ASIC1: variants seen among roughly 807,000 people sequenced by gnomAD.
The protein encoded by ASIC1 is acid-sensing ion channel 1.
A neutral mutation model predicts 63.4 loss-of-function variants in ASIC1; 21 were observed. The ratio of observed to expected loss-of-function variants is 0.33; its 90% CI spans 0.23 to 0.48. The LOEUF is 0.48. Ranked by LOEUF, ASIC1 falls within the 20% of genes least tolerant of loss-of-function variation. The probability of loss-of-function intolerance (pLI) is 0.99; values close to 1 mark genes in which losing one functional copy is unlikely to be tolerated. For synonymous variants in ASIC1, 258 were observed against 278.2 expected, an observed-to-expected ratio of 0.93 and a Z score of 0.72; for missense variants, 478 against 695.5, an observed-to-expected ratio of 0.69 and a Z score of 3.52.
At chr12:50,062,684 A>G (rs572485167) in intron 3 of ASIC1, among the ~76,000 whole-genome samples, 1 of 152,282 alleles carries the variant, frequency 6.6e-6, no homozygotes, top group African/African-American at 2.4e-5. Flanking sequence ...AACAATAAGA[A>G]CCCTGTTTCT....
intron 4 of ASIC1, 85 bp downstream of exon 4, chr12:50,077,448 T>C (rs547731019): frequency 1.9e-6 from 3 of 1,563,692 alleles, no homozygotes; most frequent in African/African-American, 2.7e-5. Context: ...CTGTGAGACC[T>C]GGGCAGGGCC....
chr12:50,064,956 G>A (rs1259145702), intron 3 of ASIC1, among the ~76,000 whole-genome samples: 1 of 152,094 alleles, frequency 6.6e-6, no homozygotes, highest in East Asian at 1.9e-4. Flanking sequence ...CCATGGGGGT[G>A]GTACTAAAGG....
chr12:50,076,656 A>T (rs1249429687), intron 3 of ASIC1: 1 of 215,244 alleles, frequency 4.6e-6, no homozygotes, highest in Non-Finnish European at 9.5e-6. Context: ...CAGGAAAAAG[A>T]CAGCTACTTG....
In ASIC1 at chr12:50,080,480, C is replaced by A. The variant is rs760116617; in HGVS notation, c.1206-18C>A. On this transcript the variant is annotated intron_variant, in intron 8 of 11. Coordinates refer to ENST00000447966, the MANE Select transcript of ASIC1 (RefSeq NM_001095.4). ...GATATGACTTGAACCTAGGTCTCCT[C>A]CCCCAATCCCTGTGCAGGGAGAACA... The A allele has an allele frequency of 9.3e-6, 15 of 1,612,062 alleles. No individual in the cohort carries two copies. The South Asian group carries it at 1.4e-4, about 15-fold the overall frequency.
chr12:50,081,760 ATCTT>A lies in ASIC1; in HGVS notation c.*114_*117del. 1.1e-6 allele frequency: 1 copy of A among 922,924 alleles called. No individual in the cohort carries two copies. Among genetic ancestry groups the A allele is most frequent in the Non-Finnish European group, 1.7e-6 (1 of 603,906 alleles). 57.2% of individuals were successfully genotyped at this position (922,924 alleles called of 1,614,324 possible). A position where few individuals can be genotyped will look rare whatever the true frequency, so the allele number is the denominator to read the frequency against. ...GGGGACTCCCCACACTCCGGGGCAG[ATCTT>A]TCCTCTTGTCTGTGGTAAGGAAGGA... On this transcript the variant is annotated 3_prime_UTR_variant, in exon 12 of 12. Coordinates refer to ENST00000447966, the MANE Select transcript of ASIC1 (RefSeq NM_001095.4).
rs1037617136 is a variant in ASIC1, at chr12:50,059,438, A to G, written c.362+310A>G. 2.0e-5 allele frequency among the ~76,000 whole-genome samples: 3 copies of G among 152,136 alleles called. No homozygotes were observed. The highest frequency in any genetic ancestry group is 4.4e-5 in the Non-Finnish European group (3 of 68,018). On this transcript the variant is annotated intron_variant, in intron 2 of 11. Coordinates refer to ENST00000447966, the MANE Select transcript of ASIC1 (RefSeq NM_001095.4). The surrounding 1 kb of genome is among the most constrained non-coding windows in gnomAD (Gnocchi z 4.6). ...GCCACTCTGTCTTGACCTTCTCGTC[A>G]GTTGGGGGATGGGGACAGAACATCT...
intron 3 of ASIC1, among the ~76,000 whole-genome samples, chr12:50,066,123 T>C (rs1213577840): frequency 1.3e-5 from 2 of 152,220 alleles, no homozygotes; most frequent in Non-Finnish European, 2.9e-5. Context: ...GCAGAGCACA[T>C]ACTAGCAAAA....
rs1235844340 is a variant in ASIC1, at chr12:50,080,361, G to A, written c.1206-137G>A. On this transcript the variant is annotated intron_variant, in intron 8 of 11. Coordinates refer to ENST00000447966, the MANE Select transcript of ASIC1 (RefSeq NM_001095.4). The stretch of plus-strand genomic sequence containing the variant: ...ATGCCATCTCATTTAATCCTAAAAG[G>A]CAGGTATCTCCATCAGCATCTCATT... 3.4e-6 allele frequency: 3 copies of A among 878,924 alleles called. No homozygotes were observed. The East Asian group carries it at 7.9e-5, about 23-fold the overall frequency. The allele number at this position is 878,924 out of a possible 1,614,324, so 54.4% of individuals were successfully genotyped here. A position where few individuals can be genotyped will look rare whatever the true frequency, so the allele number is the denominator to read the frequency against.
chr12:50,062,706 G>A (rs541134710), intron 3 of ASIC1, among the ~76,000 whole-genome samples: 1 of 152,326 alleles, frequency 6.6e-6, no homozygotes, highest in South Asian at 2.1e-4. Context: ...AAGGCTGGTT[G>A]GGGGAGGCAT....
In ASIC1 at chr12:50,058,798, G is replaced by A. The variant is rs1450857095; in HGVS notation, c.32G>A (p.Gly11Asp). The change falls in exon 2 of 12, where the codon GGT (glycine) becomes GAT (aspartate). Residue 11 changes from glycine (G) to aspartate (D), a missense_variant. Coordinates refer to ENST00000447966, the MANE Select transcript of ASIC1 (RefSeq NM_001095.4). The stretch of plus-strand genomic sequence containing the variant: ...CTGAAGGCCGAGGAGGAGGAGGTGG[G>A]TGGCGTCCAGCCGGTGAGCATCCAG... MELKAEEEEV[G>D]GVQPVSIQAF... 1 of 1,595,756 alleles carries A rather than the reference G, an allele frequency of 6.3e-7. No homozygotes were observed. Among genetic ancestry groups the A allele is most frequent in the East Asian group, 2.2e-5 (1 of 44,576 alleles).
In ASIC1 at chr12:50,078,405, C is replaced by G; in HGVS notation, c.838-16C>G. 1.9e-6 allele frequency: 3 copies of G among 1,613,614 alleles called. No homozygotes were observed. The highest frequency in any genetic ancestry group is 1.1e-5 in the South Asian group (1 of 91,038). On this transcript the variant is annotated splice_polypyrimidine_tract_variant and intron_variant, in intron 5 of 11. Transcript: ENST00000447966. The surrounding 1 kb of genome is among the most constrained non-coding windows in gnomAD (Gnocchi z 6.0). ...GAAGTCCCCGCACTCCCCCAGCTCCCCGGCTCTCCCAGCAGCTCATCTACC... is the reference window on the plus strand; with the variant it reads ...GAAGTCCCCGCACTCCCCCAGCTCCGCGGCTCTCCCAGCAGCTCATCTACC...
intron 3 of ASIC1, among the ~76,000 whole-genome samples, chr12:50,069,052 C>G (rs1240834898): frequency 6.6e-6 from 1 of 152,110 alleles, no homozygotes; most frequent in African/African-American, 2.4e-5. Context: ...CCTGAGTGAC[C>G]TGGGTCCTCC....
At chr12:50,067,699 G>A (rs779260328) in intron 3 of ASIC1, among the ~76,000 whole-genome samples, 15 of 152,154 alleles carry the variant, frequency 9.9e-5, no homozygotes, top group Non-Finnish European at 1.6e-4. Context: ...GATTACAGGC[G>A]TGAGCCACTG....
chr12:50,083,476 C>T lies in ASIC1; in HGVS notation c.*1827C>T, dbSNP rs548425631. 4 of 152,784 alleles carry T rather than the reference C, an allele frequency of 2.6e-5. No individual in the cohort carries two copies. Among genetic ancestry groups the T allele is most frequent in the African/African-American group, 9.6e-5 (4 of 41,570 alleles). 9.5% of individuals were successfully genotyped at this position (152,784 alleles called of 1,614,324 possible). A position where few individuals can be genotyped will look rare whatever the true frequency, so the allele number is the denominator to read the frequency against. On this transcript the variant is annotated 3_prime_UTR_variant, in exon 12 of 12. Coordinates refer to ENST00000447966, the MANE Select transcript of ASIC1 (RefSeq NM_001095.4). ...TAGGATCTTTGGAATCTCTTGGTTC[C>T]TAAGAGTTTCCTCAGAGATCATACC...
intron 3 of ASIC1, among the ~76,000 whole-genome samples, chr12:50,069,407 C>T (rs1020751278): frequency 6.6e-6 from 1 of 152,088 alleles, no homozygotes; most frequent in Admixed American, 6.5e-5. Context: ...AAGTCTCATG[C>T]CTCAGCCTCC....
At position 50,080,636 on chromosome 12, in the gene ASIC1, C is replaced by T. The variant is rs368828331; in HGVS notation, c.1297+47C>T. ...TCCCCTTCTCATGCCATGGGCATGG[C>T]GTGGCTCCCTATCATCCAAAAGCAG... is the stretch of plus-strand genomic sequence containing the variant. On this transcript the variant is annotated intron_variant, in intron 9 of 11. Coordinates refer to ENST00000447966, the MANE Select transcript of ASIC1 (RefSeq NM_001095.4). The T allele has an allele frequency of 3.2e-5, 51 of 1,614,178 alleles. No individual in the cohort carries two copies. The African/African-American group carries it at 3.2e-4, about 10-fold the overall frequency.
rs762136063 is a variant in ASIC1 at position 50,058,921 on chromosome 12, G to C, written c.155G>C (p.Gly52Ala). Residue 52 changes from glycine to alanine, a missense_variant, in exon 2 of 12, where the codon GGC (glycine) becomes GCC (alanine). Gly to Ala is a moderately conservative substitution (Grantham distance 60). This residue lies in a region of ASIC1 where 290 missense variants were observed against 414.9 expected (regional missense o/e 0.70). Transcript: ENST00000447966. ...GCACTGTGGGCCCTGTGCTTCCTGG[G>C]CTCCCTGGCTGTGCTGCTGTGTGTG... The part of the protein sequence containing the change: ...KRALWALCFL[G>A]SLAVLLCVCT... The C allele has an allele frequency of 1.7e-5, 27 of 1,614,132 alleles. No homozygotes were observed. Among genetic ancestry groups the C allele is most frequent in the Non-Finnish European group, 2.3e-5 (27 of 1,180,014 alleles).
At chr12:50,075,547 T>C (rs1431031960) in intron 3 of ASIC1, among the ~76,000 whole-genome samples, 1 of 152,194 alleles carries the variant, frequency 6.6e-6, no homozygotes, top group African/African-American at 2.4e-5. Context: ...TAGGAGCCCT[T>C]GGAGTTCTCT....
chr12:50,061,361 T>C (rs1371812365), intron 3 of ASIC1, among the ~76,000 whole-genome samples: 2 of 152,238 alleles, frequency 1.3e-5, no homozygotes, highest in African/African-American at 2.4e-5. Flanking sequence ...AAAGTTCACA[T>C]GACTGCACTC....
Sources: allele counts gnomAD v4.1 joint callset (sites outside exome capture counted in the v4.1 genomes callset), GRCh38; gene constraint gnomAD v4.1.1; regional missense constraint gnomAD v4.1.1; non-coding constraint Gnocchi (gnomAD v3.1); transcripts MANE v1.5; gene names NCBI Gene and HGNC (gene_info 2026-07-23, HGNC 2026-07-21).